The following ZFP1 variants were observed in gnomAD, a reference collection of about 807,000 sequenced individuals.
ZFP1 encodes the protein zinc finger protein 1 homolog.
A neutral mutation model predicts 38.5 loss-of-function variants in ZFP1; 32 were observed. That is an observed-to-expected ratio of 0.83 (90% CI 0.63 to 1.12). The LOEUF (loss-of-function observed/expected upper bound fraction) is 1.12, where lower values mean the gene tolerates loss of function less well. ZFP1 is among the 50% of genes most tolerant of loss of function. ZFP1 has a pLI of 0.00. For synonymous variants in ZFP1, 245 were observed against 168.8 expected (o/e 1.45, Z -3.50); for missense variants, 616 against 480.8 (o/e 1.28, Z -2.63).
At chr16:75,154,338 T>C (rs1179555522) in intron 2 of ZFP1, among the ~76,000 whole-genome samples, 1 of 152,210 alleles carries the variant, frequency 6.6e-6, no homozygotes, top group Non-Finnish European at 1.5e-5. Context: ...TCCATTCACA[T>C]ATTGAAGGAA....
the ZFP1 span, among the ~76,000 whole-genome samples, chr16:75,135,950 G>A: frequency 2.9e-3 from 447 of 152,238 alleles, 1 homozygote; most frequent in Middle Eastern, 3.4e-3. Flanking sequence ...CGAGTAACTG[G>A]GATTACAGGC....
the ZFP1 span, among the ~76,000 whole-genome samples, chr16:75,120,449 G>A: frequency 6.6e-6 from 1 of 151,884 alleles, no homozygotes; most frequent in Non-Finnish European, 1.5e-5. Flanking sequence ...GTGTAAACAG[G>A]CAAGTTCGTC....
the ZFP1 span, among the ~76,000 whole-genome samples, chr16:75,139,127 T>C: frequency 4.0e-5 from 6 of 151,848 alleles, no homozygotes; most frequent in Non-Finnish European, 7.4e-5. Flanking sequence ...CCCAGCACTT[T>C]GGGAGGCTGA....
intron 1 of ZFP1, among the ~76,000 whole-genome samples, chr16:75,149,826 G>C (rs1379649955): frequency 2.0e-5 from 3 of 151,848 alleles, no homozygotes; most frequent in African/African-American, 7.3e-5. Context: ...TTGTTTTTGA[G>C]ACTGAGTCTC....
At chr16:75,151,029 C>T (rs1157433167) in intron 1 of ZFP1, among the ~76,000 whole-genome samples, 1 of 151,884 alleles carries the variant, frequency 6.6e-6, no homozygotes, top group Admixed American at 6.6e-5. Flanking sequence ...AGCTAATTTT[C>T]TGTATTTTTT....
At chr16:75,167,343 C>T (rs969531275) in intron 3 of ZFP1, among the ~76,000 whole-genome samples, 6 of 152,102 alleles carry the variant, frequency 3.9e-5, no homozygotes, top group African/African-American at 1.2e-4. Flanking sequence ...GACAGATGAC[C>T]TGTACCTCAA....
chr16:75,126,121 A>G, the ZFP1 span: 2 of 151,882 alleles, frequency 1.3e-5, no homozygotes, highest in Non-Finnish European at 2.9e-5. Context: ...CTTTGGTTAA[A>G]TGAATTCTTC....
intron 2 of ZFP1, among the ~76,000 whole-genome samples, chr16:75,160,616 G>A (rs1438893865): frequency 6.9e-6 from 1 of 145,570 alleles, no homozygotes; most frequent in Non-Finnish European, 1.5e-5. Context: ...CTGAGATCAT[G>A]CCACTGCACT....
chr16:75,128,616 A>C, the ZFP1 span, among the ~76,000 whole-genome samples: 3 of 152,210 alleles, frequency 2.0e-5, no homozygotes, highest in Admixed American at 6.5e-5. Context: ...CGTGTCTTCA[A>C]AATAATGTTT....
At chr16:75,144,691 C>G (rs1349905544), upstream of ZFP1, among the ~76,000 whole-genome samples, 2 of 152,236 alleles carry the variant, frequency 1.3e-5, no homozygotes, top group Non-Finnish European at 2.9e-5. Context: ...CGTTTAAGCA[C>G]TAACTCCCCA....
At chr16:75,122,975 T>C in the ZFP1 span, among the ~76,000 whole-genome samples, 4 of 152,148 alleles carry the variant, frequency 2.6e-5, no homozygotes, top group African/African-American at 7.2e-5. Context: ...AATAAGTAAA[T>C]ATTATAGGAT....
At chr16:75,160,033 T>C (rs928170134) in intron 2 of ZFP1, among the ~76,000 whole-genome samples, 1 of 152,190 alleles carries the variant, frequency 6.6e-6, no homozygotes, top group Non-Finnish European at 1.5e-5. Context: ...TAGTCAGCTC[T>C]CAGTCTCACA....
At chr16:75,142,970 G>A in the ZFP1 span, among the ~76,000 whole-genome samples, 1 of 152,110 alleles carries the variant, frequency 6.6e-6, no homozygotes, top group African/African-American at 2.4e-5. Context: ...CCAAAGTGCT[G>A]GGATTACAGG....
intron 2 of ZFP1, among the ~76,000 whole-genome samples, chr16:75,159,945 C>G (rs1476381452): frequency 6.6e-6 from 1 of 152,154 alleles, no homozygotes; most frequent in Non-Finnish European, 1.5e-5. Context: ...TGTGGCATCT[C>G]AACTGTTTGC....
intron 2 of ZFP1, among the ~76,000 whole-genome samples, chr16:75,155,171 C>G (rs2037409843): frequency 6.6e-6 from 1 of 152,216 alleles, no homozygotes; most frequent in African/African-American, 2.4e-5. Flanking sequence ...CGCTCTGTCA[C>G]CTAAGTGGGA....
chr16:75,165,081 A>G (rs2037992514), intron 2 of ZFP1, among the ~76,000 whole-genome samples: 2 of 152,304 alleles, frequency 1.3e-5, no homozygotes. Flanking sequence ...CTGGGATTAC[A>G]GGCATGAACC....
chr16:75,124,770 G>A, the ZFP1 span, among the ~76,000 whole-genome samples: 1 of 112,030 alleles, frequency 8.9e-6, no homozygotes, highest in African/African-American at 3.7e-5. Flanking sequence ...CTGGGCAACA[G>A]AGCAAGACTC....
At chr16:75,139,468 G>T in the ZFP1 span, among the ~76,000 whole-genome samples, 1 of 151,810 alleles carries the variant, frequency 6.6e-6, no homozygotes, top group Middle Eastern at 3.4e-3. Context: ...GAACCAGGAG[G>T]ATTGCTTGAG....
At position 75,148,557 on chromosome 16, in the gene ZFP1, C is replaced by CA. The variant is rs1000412207; in HGVS notation, c.-129dup. On this transcript the variant is annotated 5_prime_UTR_variant, in exon 1 of 4. Transcript: ENST00000570010. ...CCCACCACCAGCGGCGAGTGGGTGACAGAGCCCCCGTCTCCGCGCGTCTTC... is the reference window on the plus strand; with the variant it reads ...CCCACCACCAGCGGCGAGTGGGTGACAAGAGCCCCCGTCTCCGCGCGTCTTC... 2 of 152,092 alleles carry CA rather than the reference C, an allele frequency of 1.3e-5. No individual in the cohort carries two copies. Among genetic ancestry groups the CA allele is most frequent in the Non-Finnish European group, 2.9e-5 (2 of 67,954 alleles). 9.4% of individuals were successfully genotyped at this position (152,092 alleles called of 1,614,324 possible).
Sources: allele counts gnomAD v4.1 joint callset (sites outside exome capture counted in the v4.1 genomes callset), GRCh38; gene constraint gnomAD v4.1.1; transcripts MANE v1.5; gene names NCBI Gene and HGNC (gene_info 2026-07-23, HGNC 2026-07-21).